PCDHA5: variants seen among roughly 807,000 people sequenced by gnomAD.
The protein encoded by PCDHA5 is protocadherin alpha-5.
A neutral mutation model predicts 61.6 loss-of-function variants in PCDHA5; 43 were observed. The observed-to-expected ratio is 0.70, with a 90% CI of 0.55 to 0.90. The LOEUF is 0.90. Among genes scored for constraint, PCDHA5 ranks in the 40% least tolerant of loss-of-function variants. The pLI is 0.00. For missense variants in PCDHA5, 1,298 were observed against 1,222.7 expected, an observed-to-expected ratio of 1.06 and a Z score of -0.92; for synonymous variants, 627 against 543.9, an observed-to-expected ratio of 1.15 and a Z score of -2.13.
At chr5:140,927,300 C>T (rs2084061617) in intron 1 of PCDHA5, 2 of 1,614,052 alleles carry the variant, frequency 1.2e-6, no homozygotes, top group South Asian at 2.2e-5. Flanking sequence ...TCCCCGAGTT[C>T]CTGACGCCCG....
chr5:141,005,701 CAAAAAAAAAAAAA>C (rs59860837), intron 3 of PCDHA5, among the ~76,000 whole-genome samples: 12 of 7,786 alleles, frequency 1.5e-3, no homozygotes, highest in Non-Finnish European at 2.7e-3. Context: ...AACTCCGTCT[CAAAAAAAAAAAAA>C]AAAAAAAAAA....
intron 1 of PCDHA5, chr5:140,828,881 C>T: frequency 6.2e-7 from 1 of 1,614,208 alleles, no homozygotes; most frequent in African/African-American, 1.3e-5. Context: ...AGTTATCAGA[C>T]TGAATGCTTC....
chr5:140,954,360 A>G (rs1203050549), intron 1 of PCDHA5, among the ~76,000 whole-genome samples: 2 of 152,212 alleles, frequency 1.3e-5, no homozygotes, highest in African/African-American at 4.8e-5. Flanking sequence ...GAATCGCCAC[A>G]CAGTCTCCCA....
intron 1 of PCDHA5, among the ~76,000 whole-genome samples, chr5:140,965,939 C>A (rs1554227944): frequency 6.6e-6 from 1 of 152,188 alleles, no homozygotes; most frequent in Admixed American, 6.5e-5. Flanking sequence ...GGAAAGAGGG[C>A]AGCATTTGCC....
chr5:140,874,124 T>G (rs926046559), intron 1 of PCDHA5, among the ~76,000 whole-genome samples: 6 of 152,266 alleles, frequency 3.9e-5, no homozygotes, highest in Admixed American at 3.3e-4. Context: ...TTATAGTTTA[T>G]TTAAGTTATC....
At chr5:140,999,977 C>T (rs1554257051) in intron 3 of PCDHA5, among the ~76,000 whole-genome samples, 1 of 152,068 alleles carries the variant, frequency 6.6e-6, no homozygotes, top group Non-Finnish European at 1.5e-5. Flanking sequence ...GCAGCTCTAG[C>T]GGCCTCTGGG....
intron 1 of PCDHA5, chr5:140,870,054 T>G (rs895309313): frequency 1.2e-6 from 2 of 1,613,676 alleles, no homozygotes; most frequent in Non-Finnish European, 8.5e-7. Context: ...TTTATAAAAT[T>G]GAAGTACAGG....
At chr5:141,007,192 TGGTGGGGGCCAGAATATGC>T (rs1371127830) in intron 3 of PCDHA5, among the ~76,000 whole-genome samples, 1 of 151,894 alleles carries the variant, frequency 6.6e-6, no homozygotes, top group African/African-American at 2.4e-5. Flanking sequence ...AATGTTTTGA[TGGTGGGGGCCAGAATATGC>T]TGTCCCAAAA....
chr5:140,886,917 T>C (rs893093876), intron 1 of PCDHA5, among the ~76,000 whole-genome samples: 12 of 152,044 alleles, frequency 7.9e-5, no homozygotes, highest in Non-Finnish European at 1.8e-4. Flanking sequence ...TTATTGAGTG[T>C]TCTCTATGTG....
chr5:140,856,319 C>T (rs782092511), intron 1 of PCDHA5: 2 of 1,598,532 alleles, frequency 1.3e-6, no homozygotes, highest in African/African-American at 1.3e-5. Flanking sequence ...TCGGATTGAC[C>T]GCGAGGAGCT....
chr5:140,977,665 A>G (rs1554238741), intron 1 of PCDHA5, among the ~76,000 whole-genome samples: 1 of 152,202 alleles, frequency 6.6e-6, no homozygotes, highest in Non-Finnish European at 1.5e-5. Flanking sequence ...AATTCTCTGC[A>G]TGCCAAATAT....
At chr5:140,836,003 G>A (rs1456412206) in intron 1 of PCDHA5, 1 of 1,613,210 alleles carries the variant, frequency 6.2e-7, no homozygotes, top group African/African-American at 1.3e-5. Context: ...CGCGCGATGC[G>A]GGCGTGCCGC....
chr5:140,824,952 A>T (rs1480130328), intron 1 of PCDHA5: 2 of 152,172 alleles, frequency 1.3e-5, no homozygotes, highest in Non-Finnish European at 2.9e-5. Flanking sequence ...TTTAAAAATT[A>T]TATTTTTCAT....
At chr5:140,935,382 T>G (rs1475831801) in intron 1 of PCDHA5, among the ~76,000 whole-genome samples, 1 of 152,218 alleles carries the variant, frequency 6.6e-6, no homozygotes, top group Non-Finnish European at 1.5e-5. Flanking sequence ...AATTACTCAT[T>G]TGTTATCCCA....
intron 1 of PCDHA5, among the ~76,000 whole-genome samples, chr5:140,938,125 A>T (rs1339364898): frequency 6.6e-6 from 1 of 152,120 alleles, no homozygotes; most frequent in Non-Finnish European, 1.5e-5. Context: ...TTTTTTAAAA[A>T]AATAGAGATA....
intron 3 of PCDHA5, among the ~76,000 whole-genome samples, chr5:141,008,882 A>G (rs2098393885): frequency 6.6e-6 from 1 of 152,170 alleles, no homozygotes; most frequent in Non-Finnish European, 1.5e-5. Flanking sequence ...ACCACCCTTC[A>G]ATGTTATTAC....
At chr5:140,980,615 C>T (rs1182621837) in intron 2 of PCDHA5, among the ~76,000 whole-genome samples, 4 of 151,596 alleles carry the variant, frequency 2.6e-5, no homozygotes, top group Admixed American at 6.6e-5. Flanking sequence ...GGCGACAGTG[C>T]GAGACTCTGT....
chr5:140,822,759 A>G lies in PCDHA5; in HGVS notation c.984A>G (p.Pro328=). The G allele has an allele frequency of 1.2e-6, 2 of 1,614,030 alleles. No homozygotes were observed. Among genetic ancestry groups the G allele is most frequent in the Non-Finnish European group, 1.7e-6 (2 of 1,179,872 alleles). ...ATGCCATGGATAAAAGTACATTCCC[A>G]TTATCAGGACACTGTAAAGTAGTAG... ...NIDAMDKSTF[P]LSGHCKVVVK... The change falls in exon 1 of 4, where the codon CCA becomes CCG. Residue 328 remains proline, a synonymous_variant. Coordinates refer to ENST00000529859, the MANE Select transcript of PCDHA5 (RefSeq NM_018908.3).
intron 1 of PCDHA5, chr5:140,868,445 T>C (rs1250466502): frequency 6.6e-6 from 1 of 152,220 alleles, no homozygotes; most frequent in Non-Finnish European, 1.5e-5. Flanking sequence ...ATGTGGAACA[T>C]AAACACTAAA....
Sources: allele counts gnomAD v4.1 joint callset (sites outside exome capture counted in the v4.1 genomes callset), GRCh38; gene constraint gnomAD v4.1.1; transcripts MANE v1.5; gene names NCBI Gene and HGNC (gene_info 2026-07-23, HGNC 2026-07-21).